Variants in YARS1 observed in about 807,000 individuals in gnomAD.
YARS1 encodes tyrosyl-tRNA synthetase 1, also known as tyrosine--tRNA ligase, cytoplasmic.
YARS1 carries 36 observed loss-of-function variants against 62.2 expected under a neutral mutation model. The ratio of observed to expected loss-of-function variants is 0.58; its 90% CI spans 0.44 to 0.76. The LOEUF (loss-of-function observed/expected upper bound fraction) is 0.76, where lower values mean the gene tolerates loss of function less well. Among genes scored for constraint, YARS1 ranks in the 30% least tolerant of loss-of-function variants. The pLI is 0.00. For missense variants in YARS1, 524 were observed against 639.8 expected, an observed-to-expected ratio of 0.82 and a Z score of 1.95; for synonymous variants, 234 against 244.9, an observed-to-expected ratio of 0.96 and a Z score of 0.42.
intron 3 of YARS1, among the ~76,000 whole-genome samples, chr1:32,808,190 C>T (rs925538120): frequency 1.3e-5 from 2 of 151,870 alleles, no homozygotes; most frequent in African/African-American, 2.4e-5. Context: ...AGGCATGAGC[C>T]ACTGCATCCA....
intron 5 of YARS1, among the ~76,000 whole-genome samples, chr1:32,792,536 A>C (rs1653443160): frequency 1.3e-5 from 2 of 151,202 alleles, no homozygotes; most frequent in Non-Finnish European, 3.0e-5. Flanking sequence ...AAGCAGATTC[A>C]GAAACAATCC....
intron 6 of YARS1, chr1:32,790,558 A>C (rs1458401125): frequency 6.7e-6 from 1 of 150,176 alleles, no homozygotes; most frequent in African/African-American, 2.4e-5. Context: ...AAAGGGAAGG[A>C]AGGAAGGAAA....
At chr1:32,792,486 G>A (rs183850747) in intron 5 of YARS1, among the ~76,000 whole-genome samples, 36 of 152,264 alleles carry the variant, frequency 2.4e-4, no homozygotes, top group African/African-American at 8.2e-4. Context: ...CTAGAAATGG[G>A]AAGCAGAGAA....
At chr1:32,795,398 T>C (rs1169876119) in intron 5 of YARS1, among the ~76,000 whole-genome samples, 1 of 152,230 alleles carries the variant, frequency 6.6e-6, no homozygotes, top group Admixed American at 6.5e-5. Flanking sequence ...AACTGTTTCT[T>C]GCATTGTTGG....
In YARS1 at chr1:32,775,696, T is replaced by G; in HGVS notation, c.*285A>C. On this transcript the variant is annotated 3_prime_UTR_variant, in exon 13 of 13. Coordinates refer to ENST00000373477, the MANE Select transcript of YARS1 (RefSeq NM_003680.4). ...ACTGTGGCATAAATTTTTAAATGAG[T>G]TATATTGAAACCAGATTTCTCCAGC... 2 of 495,714 alleles carry G rather than the reference T, an allele frequency of 4.0e-6. No homozygotes were observed. The highest frequency in any genetic ancestry group is 1.9e-5 in the African/African-American group (1 of 51,966). 30.7% of individuals were successfully genotyped at this position (495,714 alleles called of 1,614,324 possible).
chr1:32,797,385 G>GA (rs2148610112), intron 5 of YARS1, among the ~76,000 whole-genome samples: 1 of 152,050 alleles, frequency 6.6e-6, no homozygotes, highest in South Asian at 2.1e-4. Context: ...AAAAAGACAA[G>GA]AAAAAGAAAA....
intron 3 of YARS1, among the ~76,000 whole-genome samples, chr1:32,809,854 C>G (rs988230395): frequency 1.3e-5 from 2 of 152,012 alleles, no homozygotes; most frequent in African/African-American, 4.8e-5. Flanking sequence ...GCCTATAATC[C>G]CAGCACTTTG....
At chr1:32,792,772 C>A (rs1365601606) in intron 5 of YARS1, among the ~76,000 whole-genome samples, 1 of 151,602 alleles carries the variant, frequency 6.6e-6, no homozygotes, top group Non-Finnish European at 1.5e-5. Context: ...CCCAGTTACT[C>A]GGGAGGCTGA....
At chr1:32,781,205 T>C (rs529354428) in intron 9 of YARS1, 60 bp from the exon 10 acceptor site, 7 of 1,327,532 alleles carry the variant, frequency 5.3e-6, no homozygotes, top group Middle Eastern at 1.8e-4. Flanking sequence ...CAGCTGCTGA[T>C]CCCACCACGT....
rs1653690801 is a variant in YARS1, at chr1:32,798,939, A to C, written c.511-1096T>G. ...TAAATCAGACCCAGACTCTCCCTTCAAGAAGCCCAATTATCCAGCTGGGGA... is the reference window on the plus strand; with the variant it reads ...TAAATCAGACCCAGACTCTCCCTTCCAGAAGCCCAATTATCCAGCTGGGGA... On this transcript the variant is annotated intron_variant, in intron 4 of 12. Coordinates refer to ENST00000373477, the MANE Select transcript of YARS1 (RefSeq NM_003680.4). Among the ~76,000 whole-genome samples, 3 of 152,222 alleles carry C rather than the reference A, an allele frequency of 2.0e-5. No individual in the cohort carries two copies. The South Asian group carries it at 6.2e-4, about 31-fold the overall frequency.
chr1:32,813,292 C>A (rs1430879762), intron 1 of YARS1, among the ~76,000 whole-genome samples: 2 of 152,282 alleles, frequency 1.3e-5, no homozygotes, highest in African/African-American at 2.4e-5. Flanking sequence ...GCAAAATAAA[C>A]CTCTAAATTA....
intron 7 of YARS1, 33 bp downstream of exon 7, chr1:32,786,907 C>T (rs1557450268): frequency 1.2e-6 from 2 of 1,613,730 alleles, no homozygotes; most frequent in Non-Finnish European, 1.7e-6. Context: ...TCTATTCTAG[C>T]CTGGCCTCTA....
chr1:32,786,518 A>C (rs1653235490), intron 7 of YARS1, 71 bp from the exon 8 acceptor site: 1 of 933,682 alleles, frequency 1.1e-6, no homozygotes, highest in African/African-American at 1.5e-5. Flanking sequence ...GACTATTCCT[A>C]GCCCACATGC....
Position 32,810,723 on chromosome 1 carries a change from A to G in YARS1, c.248T>C (p.Met83Thr), listed in dbSNP as rs1344461330. The change falls in exon 3 of 13, where the codon ATG becomes ACG. Residue 83 changes from methionine to threonine, a missense_variant. Physicochemically the swap from Met to Thr is moderately conservative, Grantham distance 81 (BLOSUM62 -1). Coordinates refer to ENST00000373477, the MANE Select transcript of YARS1 (RefSeq NM_003680.4). ...FADLHAYLDN[M>T]KAPWELLELR... ...TTCTAGAAGTTCCCATGGGGCTTTC[A>G]TGTTATCCAGGTATGCGTGGAGGTC... is the stretch of plus-strand genomic sequence containing the variant. 5 of 1,614,196 alleles carry G rather than the reference A, an allele frequency of 3.1e-6. No individual in the cohort carries two copies. The highest frequency in any genetic ancestry group is 4.2e-6 in the Non-Finnish European group (5 of 1,180,030).
intron 5 of YARS1, among the ~76,000 whole-genome samples, chr1:32,794,710 C>A (rs558180712): frequency 9.4e-5 from 14 of 149,532 alleles, no homozygotes; most frequent in African/African-American, 3.4e-4. Context: ...AAATTTATGT[C>A]AAAAATGAGT....
chr1:32,797,993 C>T (rs1653659431), intron 4 of YARS1, 150 bp from the exon 5 acceptor site: 2 of 675,854 alleles, frequency 3.0e-6, no homozygotes, highest in East Asian at 5.8e-5. Flanking sequence ...GCCTCAGCCT[C>T]CCGAGTAGTT....
At chr1:32,800,497 A>T (rs570269676) in intron 4 of YARS1, among the ~76,000 whole-genome samples, 1 of 152,296 alleles carries the variant, frequency 6.6e-6, no homozygotes, top group East Asian at 1.9e-4. Context: ...ATTAAAAAAA[A>T]TTATACAGAT....
In YARS1 at chr1:32,786,397, C is replaced by A. The variant is rs1368273336; in HGVS notation, c.871G>T (p.Ala291Ser). 1 of 1,614,002 alleles carries A rather than the reference C, an allele frequency of 6.2e-7. No individual in the cohort carries two copies. Among genetic ancestry groups the A allele is most frequent in the Non-Finnish European group, 8.5e-7 (1 of 1,180,006 alleles). Residue 291 changes from alanine to serine, a missense_variant, in exon 8 of 13, where the codon GCT becomes TCT. Coordinates refer to ENST00000373477, the MANE Select transcript of YARS1 (RefSeq NM_003680.4). ...EKWGGNKTYT[A>S]YVDLEKDFAA... Reference sequence around the variant, plus strand: ...AAGTCCTTTTCCAGGTCCACGTAAGCTGTGTAGGTTTTGTTTCCACCCCAT... The same window carrying A: ...AAGTCCTTTTCCAGGTCCACGTAAGATGTGTAGGTTTTGTTTCCACCCCAT...
chr1:32,787,195 T>A, intron 6 of YARS1, 120 bp from the exon 7 acceptor site: 1 of 1,223,266 alleles, frequency 8.2e-7, no homozygotes, highest in Non-Finnish European at 1.2e-6. Flanking sequence ...AGTGGCACAA[T>A]CATGGCTCAC....
Sources: gnomAD v4.1 joint callset for allele counts (sites outside exome capture counted in the v4.1 genomes callset) on GRCh38, gnomAD v4.1.1 for gene constraint, MANE v1.5 for transcripts, NCBI Gene and HGNC (gene_info 2026-07-23, HGNC 2026-07-21) for gene names.